ARIH1: variants seen among roughly 807,000 people sequenced by gnomAD.
ARIH1 encodes ariadne RBR E3 ubiquitin protein ligase 1, also known as E3 ubiquitin-protein ligase ARIH1.
Under a neutral mutation model 85.0 loss-of-function variants are expected in ARIH1, and 8 were observed. The ratio of observed to expected loss-of-function variants is 0.09; its 90% CI spans 0.06 to 0.17. The LOEUF (loss-of-function observed/expected upper bound fraction) is 0.17, where lower values mean the gene tolerates loss of function less well. Ranked by LOEUF, ARIH1 falls within the 10% of genes least tolerant of loss-of-function variation. ARIH1 has a pLI of 1.00. For synonymous variants in ARIH1, 238 were observed against 253.6 expected (o/e 0.94, Z 0.59); for missense variants, 311 against 718.1 (o/e 0.43, Z 6.48).
At chr15:72,582,000 G>A in intron 12 of ARIH1, 75 bp from the exon 13 acceptor site, 1 of 1,014,004 alleles carries the variant, frequency 9.9e-7, no homozygotes. Context: ...GCAGTCTGTA[G>A]TCAACAAAAC....
rs79039409 is a variant in ARIH1, at chr15:72,494,573, G to A, written c.375+19559G>A. 4.2e-4 allele frequency among the ~76,000 whole-genome samples: 64 copies of A among 152,218 alleles called. 2 individuals are homozygous for A. In the East Asian group the frequency reaches 5.2e-3, roughly 12 times the overall value. On this transcript the variant is annotated intron_variant, in intron 1 of 13. Coordinates refer to ENST00000379887, the MANE Select transcript of ARIH1 (RefSeq NM_005744.5). ...TGATCAGATTATGAAAGCTTTTAGCGTAGTGCTGTTGAGATGGACTTAATT... is the reference window on the plus strand; with the variant it reads ...TGATCAGATTATGAAAGCTTTTAGCATAGTGCTGTTGAGATGGACTTAATT...
In ARIH1 at chr15:72,483,458, C is replaced by T. The variant is rs187508817; in HGVS notation, c.375+8444C>T. The stretch of plus-strand genomic sequence containing the variant: ...GTTGTAAGTGAATAACCAAATCCAG[C>T]CCATACTCAATCGGAGGGGATTATA... On this transcript the variant is annotated intron_variant, in intron 1 of 13. Coordinates refer to ENST00000379887, the MANE Select transcript of ARIH1 (RefSeq NM_005744.5). 1.3e-3 allele frequency among the ~76,000 whole-genome samples: 193 copies of T among 152,300 alleles called. 1 individual carries two copies. The highest frequency in any genetic ancestry group is 4.5e-3 in the African/African-American group (187 of 41,546).
At chr15:72,555,188 C>T in intron 3 of ARIH1, 83 bp from the exon 4 acceptor site, 1 of 987,606 alleles carries the variant, frequency 1.0e-6, no homozygotes, top group Non-Finnish European at 1.6e-6. Context: ...GAAATGTGAC[C>T]TTACAGAGCC....
rs2064080413 is a variant in ARIH1, at chr15:72,536,028, C to T, written c.444-8792C>T. Among the ~76,000 whole-genome samples, 4 of 152,112 alleles carry T rather than the reference C, an allele frequency of 2.6e-5. No homozygotes were observed. In the South Asian group the frequency reaches 8.3e-4, roughly 32 times the overall value. On this transcript the variant is annotated intron_variant, in intron 2 of 13. Transcript: ENST00000379887. Reference sequence around the variant, plus strand: ...TTGAAATGCCAGGGACCTCCAATTACAAATTTATGTGTTTGATGATCTTGG... The same window carrying T: ...TTGAAATGCCAGGGACCTCCAATTATAAATTTATGTGTTTGATGATCTTGG...
At chr15:72,556,548 T>C (rs1038814130) in intron 5 of ARIH1, among the ~76,000 whole-genome samples, 2 of 152,212 alleles carry the variant, frequency 1.3e-5, no homozygotes, top group African/African-American at 2.4e-5. Flanking sequence ...CTAACAGCTC[T>C]TCTTGTGAAA....
intron 1 of ARIH1, among the ~76,000 whole-genome samples, chr15:72,497,162 AT>A (rs1172895666): frequency 1.3e-5 from 2 of 152,252 alleles, no homozygotes; most frequent in African/African-American, 4.8e-5. Context: ...AATGGTATTA[AT>A]TGATTCATGG....
At chr15:72,489,293 G>A (rs143896609) in intron 1 of ARIH1, among the ~76,000 whole-genome samples, 2 of 144,308 alleles carry the variant, frequency 1.4e-5, no homozygotes, top group Non-Finnish European at 3.0e-5. Context: ...GTTTAATACA[G>A]TACTTCTCAA....
intron 3 of ARIH1, among the ~76,000 whole-genome samples, chr15:72,548,921 T>C (rs2064141083): frequency 6.6e-6 from 1 of 152,184 alleles, no homozygotes; most frequent in Non-Finnish European, 1.5e-5. Context: ...TGGAGTTAAC[T>C]GTCCTGAGTG....
rs116630668 is a variant in ARIH1 at position 72,564,786 on chromosome 15, A to G, written c.911+1286A>G. Among the ~76,000 whole-genome samples the G allele has an allele frequency of 2.0e-4, 30 of 152,254 alleles. 1 individual carries two copies. Among genetic ancestry groups the G allele is most frequent in the South Asian group, 1.9e-3 (9 of 4,824 alleles). On this transcript the variant is annotated intron_variant, in intron 7 of 13. Transcript: ENST00000379887. ...TGGCGAGGGCCTGCTTTTCTGGTTC[A>G]TAGATGGTGCCTACTTGCTGGGTCC...
intron 1 of ARIH1, among the ~76,000 whole-genome samples, chr15:72,477,305 C>A (rs2063798616): frequency 6.6e-6 from 1 of 152,116 alleles, no homozygotes; most frequent in Non-Finnish European, 1.5e-5. Flanking sequence ...TGTAAGACTT[C>A]TTTCTATTAA....
At chr15:72,567,267 C>A (rs1237225711) in intron 9 of ARIH1, 90 bp downstream of exon 9, 2 of 941,712 alleles carry the variant, frequency 2.1e-6, no homozygotes, top group Non-Finnish European at 3.2e-6. Flanking sequence ...GACCTACTTA[C>A]AGGCTTTGTT....
In ARIH1 at chr15:72,593,237, A is replaced by G. The variant is rs945783175; in HGVS notation, c.*9945A>G. 2.6e-5 allele frequency: 4 copies of G among 151,984 alleles called. No homozygotes were observed. Among genetic ancestry groups the G allele is most frequent in the Non-Finnish European group, 5.9e-5 (4 of 67,966 alleles). 9.4% of individuals were successfully genotyped at this position (151,984 alleles called of 1,614,324 possible). ...TGTCTTTCATGTCTTTTCTCATTTTAAAGTTGGGTGTCTTTTTATTGTAGG... is the reference window on the plus strand; with the variant it reads ...TGTCTTTCATGTCTTTTCTCATTTTGAAGTTGGGTGTCTTTTTATTGTAGG... On this transcript the variant is annotated 3_prime_UTR_variant, in exon 14 of 14. Transcript: ENST00000379887.
At position 72,597,304 on chromosome 15, in the gene ARIH1, C is replaced by T. The variant is rs991739551; in HGVS notation, c.*14012C>T. ...TGAAGGAACGTAGAATCAGAACTCTCATATCACCAGGGCCTGAGTTTTGGG... is the reference window on the plus strand; with the variant it reads ...TGAAGGAACGTAGAATCAGAACTCTTATATCACCAGGGCCTGAGTTTTGGG... On this transcript the variant is annotated 3_prime_UTR_variant, in exon 14 of 14. Coordinates refer to ENST00000379887, the MANE Select transcript of ARIH1 (RefSeq NM_005744.5). The T allele has an allele frequency of 3.3e-5, 5 of 152,110 alleles. No individual in the cohort carries two copies. The highest frequency in any genetic ancestry group is 7.4e-5 in the Non-Finnish European group (5 of 68,018). 9.4% of individuals were successfully genotyped at this position (152,110 alleles called of 1,614,324 possible). A position where few individuals can be genotyped will look rare whatever the true frequency, so the allele number is the denominator to read the frequency against.
chr15:72,523,408 G>A (rs1333094027), intron 2 of ARIH1, among the ~76,000 whole-genome samples: 2 of 152,074 alleles, frequency 1.3e-5, no homozygotes, highest in Non-Finnish European at 2.9e-5. Context: ...TATACTGTAC[G>A]ATTCCACCTA....
chr15:72,508,349 A>G lies in ARIH1; in HGVS notation c.376-9718A>G, dbSNP rs116921580. Among the ~76,000 whole-genome samples the G allele has an allele frequency of 9.6e-4, 147 of 152,370 alleles. 2 individuals carry two copies. The East Asian group carries it at 0.023, about 23-fold the overall frequency. On this transcript the variant is annotated intron_variant, in intron 1 of 13. Transcript: ENST00000379887. ...GATGAAGAGCTCTTTATTTCAGCCAAGAGCTTGAATTGGCTTTTCACTGAA... is the reference window on the plus strand; with the variant it reads ...GATGAAGAGCTCTTTATTTCAGCCAGGAGCTTGAATTGGCTTTTCACTGAA...
At chr15:72,507,993 A>G (rs1232210179) in intron 1 of ARIH1, among the ~76,000 whole-genome samples, 1 of 152,220 alleles carries the variant, frequency 6.6e-6, no homozygotes, top group Admixed American at 6.5e-5. Context: ...TTCTGTCTGC[A>G]TGTTAGGATC....
intron 11 of ARIH1, among the ~76,000 whole-genome samples, chr15:72,579,097 C>A (rs1037460531): frequency 2.0e-5 from 3 of 152,052 alleles, no homozygotes; most frequent in Non-Finnish European, 2.9e-5. Flanking sequence ...CTTAAATTTT[C>A]TTTTATAGTT....
At chr15:72,516,119 G>A (rs1595858625) in intron 1 of ARIH1, among the ~76,000 whole-genome samples, 1 of 152,058 alleles carries the variant, frequency 6.6e-6, no homozygotes, top group Admixed American at 6.5e-5. Context: ...AACAATATTT[G>A]GCACTAGCAA....
Position 72,474,891 on chromosome 15 carries a change from C to T in ARIH1, c.252C>T (p.Gly84=), listed in dbSNP as rs1240137621. The T allele has an allele frequency of 6.3e-6, 9 of 1,429,250 alleles. No individual in the cohort carries two copies. The highest frequency in any genetic ancestry group is 3.0e-5 in the South Asian group (2 of 65,706). The allele number at this position is 1,429,250 out of a possible 1,614,324, so 88.5% of individuals were successfully genotyped here. ...CCGGCGGTGGCGGCGGCGGCGGCGGCGGCGGTGGTGGTGGCGGGCCGGGGC... is the reference window on the plus strand; with the variant it reads ...CCGGCGGTGGCGGCGGCGGCGGCGGTGGCGGTGGTGGTGGCGGGCCGGGGC... ...LGPGGGGGGG[G]GGGGGGPGHE... The change falls in exon 1 of 14, where the codon GGC becomes GGT. Residue 84 remains glycine (G), a synonymous_variant. Coordinates refer to ENST00000379887, the MANE Select transcript of ARIH1 (RefSeq NM_005744.5).
Sources: gnomAD v4.1 joint callset for allele counts (sites outside exome capture counted in the v4.1 genomes callset) on GRCh38, gnomAD v4.1.1 for gene constraint, MANE v1.5 for transcripts, NCBI Gene and HGNC (gene_info 2026-07-23, HGNC 2026-07-21) for gene names.